The following CLTCL1 variants were observed in gnomAD, a reference collection of about 807,000 sequenced individuals.
CLTCL1 encodes clathrin heavy chain like 1.
In CLTCL1, 159 loss-of-function variants were observed where a neutral mutation model predicts 190.0. The observed-to-expected ratio is 0.84, with a 90% CI of 0.74 to 0.95. CLTCL1 has a LOEUF of 0.95. Among genes scored for constraint, CLTCL1 ranks in the 40% least tolerant of loss-of-function variants. The probability of loss-of-function intolerance (pLI) is 0.00; values close to 1 mark genes in which losing one functional copy is unlikely to be tolerated. For synonymous variants in CLTCL1, 752 were observed against 769.6 expected, an observed-to-expected ratio of 0.98 and a Z score of 0.38; for missense variants, 1,878 against 2,033.4, an observed-to-expected ratio of 0.92 and a Z score of 1.47.
At chr22:19,239,434 T>C in intron 4 of CLTCL1, 46 bp from the exon 5 acceptor site, 1 of 1,419,058 alleles carries the variant, frequency 7.0e-7, no homozygotes. Flanking sequence ...CCTGTGGTGG[T>C]GGGCAAGTGC....
In CLTCL1 at chr22:19,232,613, G is replaced by A. The variant is rs782570429; in HGVS notation, c.1522-15C>T. ...GTGTACCCAACCTAGAAGCAAGGGA[G>A]CACCAATCAGGAAAATCAATGAAAA... On this transcript the variant is annotated splice_polypyrimidine_tract_variant and intron_variant, in intron 9 of 32. Coordinates refer to ENST00000427926, the MANE Select transcript of CLTCL1 (RefSeq NM_007098.4). 1.2e-6 allele frequency: 2 copies of A among 1,603,314 alleles called. 1 individual carries two copies. The highest frequency in any genetic ancestry group is 2.2e-5 in the South Asian group (2 of 89,784).
chr22:19,217,615 C>CAAAAA (rs71184793), intron 18 of CLTCL1, among the ~76,000 whole-genome samples: 2 of 34,766 alleles, frequency 5.8e-5, no homozygotes, highest in Non-Finnish European at 1.1e-4. Flanking sequence ...GACTCTGTCT[C>CAAAAA]AAAAAAAAAA....
chr22:19,187,267 T>C (rs952181946), intron 29 of CLTCL1, among the ~76,000 whole-genome samples: 1 of 152,118 alleles, frequency 6.6e-6, no homozygotes, highest in African/African-American at 2.4e-5. Context: ...CACACTGTGT[T>C]TTGGTAGAGT....
chr22:19,238,567 T>A, intron 5 of CLTCL1: 1 of 215,962 alleles, frequency 4.6e-6, no homozygotes. Context: ...GACATGTGTT[T>A]CTGTTTTAGG....
chr22:19,182,327 GCC>G (rs1250534073), intron 30 of CLTCL1: 1 of 152,328 alleles, frequency 6.6e-6, no homozygotes, highest in Non-Finnish European at 1.5e-5. Flanking sequence ...GGGAACCAGG[GCC>G]CTTGTCAATC....
chr22:19,193,285 G>A (rs1471533028), intron 26 of CLTCL1, among the ~76,000 whole-genome samples: 3 of 152,236 alleles, frequency 2.0e-5, no homozygotes, highest in African/African-American at 7.2e-5. Context: ...TGCCGTTTAA[G>A]GTGGAGTATA....
Position 19,201,489 on chromosome 22 carries a change from C to G in CLTCL1, c.3605G>C (p.Gly1202Ala). 4 of 1,612,006 alleles carry G rather than the reference C, an allele frequency of 2.5e-6. No homozygotes were observed. Among genetic ancestry groups the G allele is most frequent in the Non-Finnish European group, 2.5e-6 (3 of 1,178,440 alleles). Reference protein sequence around the residue: ...GPNNAHIQQVGDRCYEEGMYE... With the variant: ...GPNNAHIQQVADRCYEEGMYE... ...CATTCCCTCCTCGTAACAGCGGTCT[C>G]CAACCTACGGATAATAGGGTAGCTC... Residue 1202 changes from glycine to alanine, a missense_variant, in exon 23 of 33, where the codon GGA becomes GCA. Transcript: ENST00000427926.
intron 3 of CLTCL1, among the ~76,000 whole-genome samples, chr22:19,250,135 T>G (rs180894841): frequency 1.4e-4 from 22 of 152,032 alleles, no homozygotes; most frequent in Admixed American, 3.9e-4. Flanking sequence ...ACACCTGTAG[T>G]CCCAGCTACT....
At chr22:19,243,370 C>A (rs1360693788) in intron 3 of CLTCL1, among the ~76,000 whole-genome samples, 2 of 152,166 alleles carry the variant, frequency 1.3e-5, no homozygotes, top group Non-Finnish European at 2.9e-5. Flanking sequence ...GTGGCTCACA[C>A]CTGCAATCCT....
rs1194395373 is a variant in CLTCL1 at position 19,233,223 on chromosome 22, C to T, written c.1464G>A (p.Val488=). 1.9e-6 allele frequency: 3 copies of T among 1,613,904 alleles called. No homozygotes were observed. The highest frequency in any genetic ancestry group is 2.5e-6 in the Non-Finnish European group (3 of 1,179,898). ...VYLRANVPSK[V]IQCFAETGQF... is the part of the protein sequence containing the mutation. ...GGCCTGTTTCTGCAAAACACTGGAT[C>T]ACTTTGCTTGGCACATTTGCCCGAA... The change falls in exon 9 of 33, where the codon GTG becomes GTA. Residue 488 remains valine, a synonymous_variant. Coordinates refer to ENST00000427926, the MANE Select transcript of CLTCL1 (RefSeq NM_007098.4).
chr22:19,204,819 G>C (rs1296295612), intron 22 of CLTCL1, among the ~76,000 whole-genome samples: 1 of 152,216 alleles, frequency 6.6e-6, no homozygotes, highest in African/African-American at 2.4e-5. Flanking sequence ...CAGGCTGAAG[G>C]TTACTGGCCC....
intron 18 of CLTCL1, among the ~76,000 whole-genome samples, chr22:19,216,828 A>C (rs1221725524): frequency 1.3e-5 from 2 of 152,264 alleles, no homozygotes; most frequent in African/African-American, 4.8e-5. Flanking sequence ...TCCAAAGAGT[A>C]CATTTCCCAT....
intron 6 of CLTCL1, 54 bp downstream of exon 6, chr22:19,235,642 C>A (rs181971400): frequency 3.2e-6 from 5 of 1,542,950 alleles, no homozygotes; most frequent in Non-Finnish European, 4.4e-6. Flanking sequence ...AAAGTTTAAA[C>A]GCCAGTCCCT....
Position 19,234,682 on chromosome 22 carries a change from C to G in CLTCL1, c.994G>C (p.Asp332His), listed in dbSNP as rs782000797. Reference sequence around the variant, plus strand: ...TTGGTTGCATAATTCACAATGTTATCTTCCTCAACACAAACTGACAGTACC... The same window carrying G: ...TTGGTTGCATAATTCACAATGTTATGTTCCTCAACACAAACTGACAGTACC... ...GQVLSVCVEE[D>H]NIVNYATNVL... The change falls in exon 7 of 33, where the codon GAT becomes CAT. Residue 332 changes from aspartate (D) to histidine (H), a missense_variant. Coordinates refer to ENST00000427926, the MANE Select transcript of CLTCL1 (RefSeq NM_007098.4). 1 of 1,614,018 alleles carries G rather than the reference C, an allele frequency of 6.2e-7. No homozygotes were observed. Among genetic ancestry groups the G allele is most frequent in the South Asian group, 1.1e-5 (1 of 91,084 alleles).
rs1415250024 is a variant in CLTCL1 at position 19,220,137 on chromosome 22, C to CTATG, written c.2797-134_2797-131dup. On this transcript the variant is annotated intron_variant, in intron 17 of 32. Coordinates refer to ENST00000427926, the MANE Select transcript of CLTCL1 (RefSeq NM_007098.4). ...GGACAGTCAGGGCCCAGGCAAGACGCTATGCTTTGACATGGGATGAGCAGC... is the reference window on the plus strand; with the variant it reads ...GGACAGTCAGGGCCCAGGCAAGACGCTATGTATGCTTTGACATGGGATGAGCAGC... 2.6e-6 allele frequency: 3 copies of CTATG among 1,140,566 alleles called. No individual in the cohort carries two copies. The African/African-American group carries it at 4.5e-5, about 17-fold the overall frequency. 70.7% of individuals were successfully genotyped at this position (1,140,566 alleles called of 1,614,324 possible).
chr22:19,240,494 G>A (rs1294203612), intron 4 of CLTCL1, among the ~76,000 whole-genome samples: 2 of 152,108 alleles, frequency 1.3e-5, no homozygotes, highest in South Asian at 4.1e-4. Context: ...TGAGAGCCGG[G>A]CCAATGGGGG....
intron 11 of CLTCL1, among the ~76,000 whole-genome samples, chr22:19,226,822 C>T (rs2085761473): frequency 6.6e-6 from 1 of 152,066 alleles, no homozygotes; most frequent in Non-Finnish European, 1.5e-5. Context: ...ACTGCAACCT[C>T]CATCTCCCAG....
At position 19,291,591 on chromosome 22, in the gene CLTCL1, G is replaced by C. The variant is rs1282155286; in HGVS notation, c.42+9C>G. 1 of 1,384,292 alleles carries C rather than the reference G, an allele frequency of 7.2e-7. No individual in the cohort carries two copies. Among genetic ancestry groups the C allele is most frequent in the Non-Finnish European group, 9.5e-7 (1 of 1,055,408 alleles). The allele number at this position is 1,384,292 out of a possible 1,614,324, so 85.8% of individuals were successfully genotyped here. Reference sequence around the variant, plus strand: ...TGACAGGGCAGCCCCCCAGCCCGCCGGGCCTCACCTGGAAGTGCTCCTGAA... The same window carrying C: ...TGACAGGGCAGCCCCCCAGCCCGCCCGGCCTCACCTGGAAGTGCTCCTGAA... On this transcript the variant is annotated intron_variant, in intron 1 of 32. Coordinates refer to ENST00000427926, the MANE Select transcript of CLTCL1 (RefSeq NM_007098.4).
intron 2 of CLTCL1, chr22:19,257,666 G>T: frequency 1.9e-6 from 1 of 522,476 alleles, no homozygotes; most frequent in African/African-American, 2.0e-5. Context: ...AGATCTCTGT[G>T]TCCTGCTCCA....
Sources: gnomAD v4.1 joint callset for allele counts (sites outside exome capture counted in the v4.1 genomes callset) on GRCh38, gnomAD v4.1.1 for gene constraint, MANE v1.5 for transcripts, NCBI Gene and HGNC (gene_info 2026-07-23, HGNC 2026-07-21) for gene names.